Variants in PACRG observed in about 807,000 individuals in gnomAD.
The protein encoded by PACRG is parkin coregulated gene protein.
In PACRG, 29 loss-of-function variants were observed where a neutral mutation model predicts 29.7. The observed-to-expected ratio is 0.98, with a 90% CI of 0.73 to 1.33. The LOEUF (loss-of-function observed/expected upper bound fraction) is 1.33. PACRG is among the 40% of genes most tolerant of loss of function. The probability of loss-of-function intolerance (pLI) is 0.00; values close to 1 mark genes in which losing one functional copy is unlikely to be tolerated. For synonymous variants in PACRG, 116 were observed against 118.7 expected (o/e 0.98, Z 0.15); for missense variants, 279 against 316.2 (o/e 0.88, Z 0.89).
At position 163,239,976 on chromosome 6, in the gene PACRG, A is replaced by G. The variant is rs935599240; in HGVS notation, c.614-74851A>G. 3.8e-5 allele frequency among the ~76,000 whole-genome samples: 5 copies of G among 132,900 alleles called. 1 individual carries two copies. The Admixed American group carries it at 3.8e-4, about 10-fold the overall frequency. 87.2% of individuals were successfully genotyped at this position (132,900 alleles called of 152,430 possible). A position where few individuals can be genotyped will look rare whatever the true frequency, so the allele number is the denominator to read the frequency against. On this transcript the variant is annotated intron_variant, in intron 4 of 4. Transcript: ENST00000366888. ...CACACACTCACACTCCCATCGTCAC[A>G]TACACATACACACACACTCACACCC...
At chr6:162,836,714 A>G (rs918310003) in intron 2 of PACRG, among the ~76,000 whole-genome samples, 1 of 150,408 alleles carries the variant, frequency 6.6e-6, no homozygotes, top group East Asian at 2.1e-4. Flanking sequence ...TGTATTTTTC[A>G]TTTGATTTAA....
In PACRG at chr6:162,804,126, T is replaced by A. The variant is rs564370274; in HGVS notation, c.157-10021T>A. Among the ~76,000 whole-genome samples, 249 of 152,312 alleles carry A rather than the reference T, an allele frequency of 1.6e-3. 1 individual carries two copies. The highest frequency in any genetic ancestry group is 5.7e-3 in the African/African-American group (238 of 41,576). On this transcript the variant is annotated intron_variant, in intron 1 of 4. Transcript: ENST00000366888. ...AAATATGGTATCTGCAGTGCTATGT[T>A]TTTGAAAAGTTTAAAGGGAAAAGCA...
At chr6:162,851,602 A>T (rs944585758) in intron 2 of PACRG, among the ~76,000 whole-genome samples, 5 of 152,304 alleles carry the variant, frequency 3.3e-5, no homozygotes, top group African/African-American at 1.2e-4. Flanking sequence ...ACCATCAGTC[A>T]TTTTAAAAAT....
At chr6:163,034,735 C>G (rs1430076472) in intron 2 of PACRG, among the ~76,000 whole-genome samples, 1 of 152,130 alleles carries the variant, frequency 6.6e-6, no homozygotes, top group Non-Finnish European at 1.5e-5. Flanking sequence ...ACCTAGTTAG[C>G]CTTTGGGTCC....
chr6:162,816,632 G>A (rs552476224), intron 2 of PACRG, among the ~76,000 whole-genome samples: 1 of 152,274 alleles, frequency 6.6e-6, no homozygotes, highest in South Asian at 2.1e-4. Flanking sequence ...GATTACAGGC[G>A]TGAGCCACCG....
chr6:163,041,511 C>T (rs1180300880), intron 2 of PACRG, among the ~76,000 whole-genome samples: 1 of 152,054 alleles, frequency 6.6e-6, no homozygotes, highest in Non-Finnish European at 1.5e-5. Flanking sequence ...CTCCAGCCAC[C>T]ATGTAAGACA....
intron 4 of PACRG, among the ~76,000 whole-genome samples, chr6:163,262,849 C>T (rs542024810): frequency 6.7e-6 from 1 of 149,694 alleles, no homozygotes; most frequent in South Asian, 2.2e-4. Context: ...CAAGACTAGC[C>T]TGGGCAACAT....
At chr6:162,786,723 G>T (rs550430710) in intron 1 of PACRG, among the ~76,000 whole-genome samples, 1,907 of 148,160 alleles carry the variant, frequency 0.013, 35 homozygotes, top group African/African-American at 0.045. Context: ...ATAGCAAGTG[G>T]TTTTTTTTTT....
At chr6:162,751,269 T>TA (rs1243834915) in intron 1 of PACRG, among the ~76,000 whole-genome samples, 9 of 152,020 alleles carry the variant, frequency 5.9e-5, no homozygotes, top group East Asian at 1.9e-4. Flanking sequence ...AAAGAAGTAA[T>TA]AAAAAATCAA....
chr6:163,083,489 A>G (rs888965197), intron 3 of PACRG, among the ~76,000 whole-genome samples: 2 of 152,098 alleles, frequency 1.3e-5, no homozygotes, highest in Admixed American at 6.5e-5. Flanking sequence ...CTGTGTGCCA[A>G]CCACCTTGGG....
chr6:163,065,294 G>T (rs1373463111), intron 3 of PACRG, among the ~76,000 whole-genome samples: 2 of 152,148 alleles, frequency 1.3e-5, no homozygotes. Flanking sequence ...AAACCTCATA[G>T]GGGAGGCTGA....
chr6:163,197,444 T>TTTCTTTTCTTTTCTTTTCTTTTC (rs1562959298), intron 4 of PACRG, among the ~76,000 whole-genome samples: 41 of 120,922 alleles, frequency 3.4e-4, no homozygotes, highest in African/African-American at 1.4e-3. Flanking sequence ...CTTTTTTTTT[T>TTTCTTTTCTTTTCTTTTCTTTTC]TTTTTTTTTT....
intron 2 of PACRG, among the ~76,000 whole-genome samples, chr6:162,841,721 T>C (rs1314418560): frequency 1.3e-5 from 2 of 150,508 alleles, no homozygotes; most frequent in African/African-American, 2.4e-5. Context: ...CTGCTTTCTC[T>C]TGTGGGCATT....
At chr6:163,230,769 TAGGTGCAGAGTTAGGG>T (rs1782006083) in intron 4 of PACRG, among the ~76,000 whole-genome samples, 7 of 152,048 alleles carry the variant, frequency 4.6e-5, no homozygotes, top group South Asian at 2.1e-4. Flanking sequence ...CGAACTGCTG[TAGGTGCAGAGTTAGGG>T]AGGGAAAAAC....
At chr6:162,893,241 G>C (rs1794919170) in intron 2 of PACRG, among the ~76,000 whole-genome samples, 2 of 152,166 alleles carry the variant, frequency 1.3e-5, no homozygotes, top group Admixed American at 1.3e-4. Context: ...AGGCAGCTCT[G>C]AACACAGCTG....
At chr6:163,148,975 G>A (rs1220625735) in intron 4 of PACRG, among the ~76,000 whole-genome samples, 6 of 83,890 alleles carry the variant, frequency 7.2e-5, no homozygotes, top group Non-Finnish European at 1.3e-4. Context: ...GGGGGGGGGG[G>A]GGGGGGTGGA....
intron 4 of PACRG, among the ~76,000 whole-genome samples, chr6:163,275,493 A>AT (rs1467550776): frequency 6.6e-6 from 1 of 152,178 alleles, no homozygotes; most frequent in Non-Finnish European, 1.5e-5. Flanking sequence ...TATTTCCCAA[A>AT]TGTCACATTT....
chr6:163,186,537 T>A (rs781513150), intron 4 of PACRG, among the ~76,000 whole-genome samples: 5 of 152,114 alleles, frequency 3.3e-5, no homozygotes, highest in Non-Finnish European at 7.3e-5. Flanking sequence ...GTGCCCACAG[T>A]CTCATCTCTC....
chr6:163,265,422 C>A (rs531268268), intron 4 of PACRG, among the ~76,000 whole-genome samples: 1 of 152,082 alleles, frequency 6.6e-6, no homozygotes, highest in South Asian at 2.1e-4. Flanking sequence ...CTCTTCGGGC[C>A]CGTGGGTATT....
Sources: allele counts gnomAD v4.1 joint callset (sites outside exome capture counted in the v4.1 genomes callset), GRCh38; gene constraint gnomAD v4.1.1; transcripts MANE v1.5; gene names NCBI Gene and HGNC (gene_info 2026-07-23, HGNC 2026-07-21).